SIRPG: variants seen among roughly 807,000 people sequenced by gnomAD.
SIRPG encodes the protein signal regulatory protein gamma, also known as signal-regulatory protein gamma.
A neutral mutation model predicts 35.7 loss-of-function variants in SIRPG; 38 were observed. That is an observed-to-expected ratio of 1.06 (90% CI 0.82 to 1.40). SIRPG has a LOEUF of 1.40. Among genes scored for constraint, SIRPG ranks in the 40% most tolerant of loss-of-function variants. The pLI, the probability that SIRPG is intolerant of heterozygous loss-of-function variation, is 0.00. For synonymous variants in SIRPG, 215 were observed against 190.4 expected, an observed-to-expected ratio of 1.13 and a Z score of -1.06; for missense variants, 519 against 483.0, an observed-to-expected ratio of 1.07 and a Z score of -0.70.
chr20:1,650,651 G>GA (rs1028872900), intron 1 of SIRPG, among the ~76,000 whole-genome samples: 76 of 151,486 alleles, frequency 5.0e-4, no homozygotes, highest in African/African-American at 1.6e-3. Flanking sequence ...GAGTTCCGGG[G>GA]AAAAAAAAGA....
chr20:1,633,176 C>T lies in SIRPG; in HGVS notation c.1081+2091G>A, dbSNP rs181853038. ...TGGACACAAAATTCTTCAAAAGGCA[C>T]GAGTTACCGGAACTCACCCAATATG... On this transcript the variant is annotated intron_variant, in intron 4 of 5. Coordinates refer to ENST00000303415, the MANE Select transcript of SIRPG (RefSeq NM_018556.4). Among the ~76,000 whole-genome samples, 317 of 152,134 alleles carry T rather than the reference C, an allele frequency of 2.1e-3. 1 individual carries two copies. Among genetic ancestry groups the T allele is most frequent in the African/African-American group, 7.1e-3 (294 of 41,520 alleles).
chr20:1,630,539 G>A (rs2091741699), intron 4 of SIRPG: 1 of 503,180 alleles, frequency 2.0e-6, no homozygotes, highest in East Asian at 3.9e-5. Flanking sequence ...GGGAAGAGGT[G>A]GAGGGGGTGT....
upstream of SIRPG, among the ~76,000 whole-genome samples, chr20:1,660,971 C>G (rs73082625): frequency 0.017 from 2,647 of 152,096 alleles, 63 homozygotes; most frequent in African/African-American, 0.06. Context: ...AAGTGTACAA[C>G]GGAGAGAATA....
chr20:1,649,371 A>G lies in SIRPG; in HGVS notation c.111T>C (p.Pro37=), dbSNP rs750193498. Residue 37 remains proline (P), a synonymous_variant, in exon 2 of 6, where the codon CCT becomes CCC. Coordinates refer to ENST00000303415, the MANE Select transcript of SIRPG (RefSeq NM_018556.4). ...AGEEELQMIQ[P]EKLLLVTVGK... Reference sequence around the variant, plus strand: ...CAACTGTGACCAACAGGAGCTTCTCAGGCTGAATCATCTGTAGCTCCTCCT... The same window carrying G: ...CAACTGTGACCAACAGGAGCTTCTCGGGCTGAATCATCTGTAGCTCCTCCT... The G allele has an allele frequency of 1.9e-6, 3 of 1,612,984 alleles. No homozygotes were observed. Among genetic ancestry groups the G allele is most frequent in the African/African-American group, 1.3e-5 (1 of 75,036 alleles).
chr20:1,649,139 C>A lies in SIRPG; in HGVS notation c.343G>T (p.Gly115Cys), dbSNP rs1201647688. Reference sequence around the variant, plus strand: ...CGAAACTTCACACAGTAGTATGTGCCGACATCTGCTGGGGTGATGCTACTG... The same window carrying A: ...CGAAACTTCACACAGTAGTATGTGCAGACATCTGCTGGGGTGATGCTACTG... ...RISSITPADV[G>C]TYYCVKFRKG... The change falls in exon 2 of 6, where the codon GGC becomes TGC. Residue 115 changes from glycine to cysteine, a missense_variant. Gly to Cys is a radical substitution (Grantham distance 159, BLOSUM62 -3). Coordinates refer to ENST00000303415, the MANE Select transcript of SIRPG (RefSeq NM_018556.4). 6.2e-7 allele frequency: 1 copy of A among 1,613,790 alleles called. No homozygotes were observed. Among genetic ancestry groups the A allele is most frequent in the African/African-American group, 1.3e-5 (1 of 74,876 alleles).
At position 1,635,420 on chromosome 20, in the gene SIRPG, A is replaced by T; in HGVS notation, c.928T>A (p.Trp310Arg). 1 of 1,614,062 alleles carries T rather than the reference A, an allele frequency of 6.2e-7. No homozygotes were observed. Among genetic ancestry groups the T allele is most frequent in the Non-Finnish European group, 8.5e-7 (1 of 1,180,004 alleles). The change falls in exon 4 of 6, where the codon TGG (tryptophan) becomes AGG (arginine). Residue 310 changes from tryptophan to arginine, a missense_variant. Trp to Arg is a moderately radical substitution (Grantham distance 101). Coordinates refer to ENST00000303415, the MANE Select transcript of SIRPG (RefSeq NM_018556.4). ...LTENKDGTYN[W>R]TSWFLVNISD... ...ATGTTCACCAGGAACCAGCTTGTCC[A>T]GTTGTAGGTACCATCCTTGTTCTCT...
chr20:1,641,484 A>C (rs1453832647), intron 2 of SIRPG, among the ~76,000 whole-genome samples: 1 of 137,666 alleles, frequency 7.3e-6, no homozygotes, highest in African/African-American at 2.7e-5. Context: ...TATTGATTTG[A>C]TTCTTCTCTC....
At chr20:1,644,511 G>A (rs1163753632) in intron 2 of SIRPG, among the ~76,000 whole-genome samples, 1 of 152,182 alleles carries the variant, frequency 6.6e-6, no homozygotes, top group African/African-American at 2.4e-5. Flanking sequence ...CAGTCCCAAT[G>A]CTGGCTGCCG....
At chr20:1,664,420 A>G in the SIRPG span, among the ~76,000 whole-genome samples, 21 of 152,026 alleles carry the variant, frequency 1.4e-4, no homozygotes, top group South Asian at 2.1e-4. Context: ...AGAAGACAGA[A>G]TAAGTACGGA....
chr20:1,661,119 A>G (rs1290696907), upstream of SIRPG, among the ~76,000 whole-genome samples: 2 of 152,226 alleles, frequency 1.3e-5, no homozygotes, highest in Non-Finnish European at 2.9e-5. Context: ...GTTAGATATT[A>G]TCGTTATTAG....
the SIRPG span, among the ~76,000 whole-genome samples, chr20:1,672,856 A>T: frequency 6.6e-6 from 1 of 152,122 alleles, no homozygotes; most frequent in Non-Finnish European, 1.5e-5. Context: ...GGGTTGACAA[A>T]CAAGATCACT....
intron 2 of SIRPG, chr20:1,646,062 G>A (rs1442205212): frequency 6.6e-6 from 1 of 152,212 alleles, no homozygotes; most frequent in African/African-American, 2.4e-5. Flanking sequence ...CCATTCTACA[G>A]AAGAGGAAAC....
At chr20:1,632,288 TAC>T (rs1568722431) in intron 4 of SIRPG, among the ~76,000 whole-genome samples, 1 of 152,144 alleles carries the variant, frequency 6.6e-6, no homozygotes, top group African/African-American at 2.4e-5. Context: ...CTCTCAGTAT[TAC>T]TTGAAGAGAG....
chr20:1,635,403 C>A lies in SIRPG; in HGVS notation c.945G>T (p.Leu315=), dbSNP rs770814785. Residue 315 remains leucine (L), a synonymous_variant, in exon 4 of 6, where the codon CTG becomes CTT. Coordinates refer to ENST00000303415, the MANE Select transcript of SIRPG (RefSeq NM_018556.4). ...CATCCCTTTGGTCAGATATGTTCACCAGGAACCAGCTTGTCCAGTTGTAGG... is the reference window on the plus strand; with the variant it reads ...CATCCCTTTGGTCAGATATGTTCACAAGGAACCAGCTTGTCCAGTTGTAGG... ...DGTYNWTSWF[L]VNISDQRDDV... is the part of the protein sequence containing the mutation. 1 of 1,614,140 alleles carries A rather than the reference C, an allele frequency of 6.2e-7. No homozygotes were observed. The highest frequency in any genetic ancestry group is 8.5e-7 in the Non-Finnish European group (1 of 1,180,022).
chr20:1,638,981 T>G (rs2091827925), intron 2 of SIRPG, among the ~76,000 whole-genome samples: 4 of 152,232 alleles, frequency 2.6e-5, no homozygotes, highest in Admixed American at 2.6e-4. Context: ...TAGTATTCCA[T>G]GGTGTATATG....
chr20:1,679,193 C>T, the SIRPG span, among the ~76,000 whole-genome samples: 3 of 152,120 alleles, frequency 2.0e-5, no homozygotes, highest in African/African-American at 4.8e-5. Flanking sequence ...CCTACAAAAA[C>T]GCTAAAAGGA....
chr20:1,658,805 GC>G (rs2122594024), upstream of SIRPG, among the ~76,000 whole-genome samples: 1 of 152,222 alleles, frequency 6.6e-6, no homozygotes, highest in Admixed American at 6.5e-5. Flanking sequence ...ATGCTGAGTT[GC>G]CCACCAGTGG....
chr20:1,665,854 G>T, the SIRPG span, among the ~76,000 whole-genome samples: 9 of 152,186 alleles, frequency 5.9e-5, no homozygotes, highest in East Asian at 1.7e-3. Context: ...GGGTCTTGTT[G>T]ATTTTTAGGA....
intron 2 of SIRPG, among the ~76,000 whole-genome samples, chr20:1,639,127 T>G (rs2091829648): frequency 6.6e-6 from 1 of 152,202 alleles, no homozygotes; most frequent in African/African-American, 2.4e-5. Flanking sequence ...TTCCTTTGGT[T>G]ACATACCCAG....
Sources: gnomAD v4.1 joint callset for allele counts (sites outside exome capture counted in the v4.1 genomes callset) on GRCh38, gnomAD v4.1.1 for gene constraint, MANE v1.5 for transcripts, NCBI Gene and HGNC (gene_info 2026-07-23, HGNC 2026-07-21) for gene names.